The following PIEZO2 variants were observed in gnomAD, a reference collection of about 807,000 sequenced individuals.
PIEZO2 encodes piezo-type mechanosensitive ion channel component 2.
PIEZO2 carries 172 observed loss-of-function variants against 337.3 expected under a neutral mutation model. That is an observed-to-expected ratio of 0.51 (90% CI 0.45 to 0.58). The LOEUF (loss-of-function observed/expected upper bound fraction) is 0.58. Among genes scored for constraint, PIEZO2 ranks in the 20% least tolerant of loss-of-function variants. The pLI, the probability that PIEZO2 is intolerant of heterozygous loss-of-function variation, is 0.00. For missense variants in PIEZO2, 3,028 were observed against 3,391.3 expected (o/e 0.89, Z 2.66); for synonymous variants, 1,251 against 1,228.5 (o/e 1.02, Z -0.38).
intron 2 of PIEZO2, among the ~76,000 whole-genome samples, chr18:11,064,156 C>A (rs2038069878): frequency 6.6e-6 from 1 of 152,134 alleles, no homozygotes; most frequent in Non-Finnish European, 1.5e-5. Context: ...ACACAAGATG[C>A]CTCAAAACAC....
At chr18:10,762,454 T>C in intron 23 of PIEZO2, 46 bp downstream of exon 23, 1 of 1,524,224 alleles carries the variant, frequency 6.6e-7, no homozygotes, top group Non-Finnish European at 8.8e-7. Flanking sequence ...CCTGAACTAT[T>C]ATATAACGGA....
chr18:10,789,341 A>G lies in PIEZO2; in HGVS notation c.1907T>C (p.Val636Ala). The part of the protein sequence containing the change: ...EKDEELQDIQ[V>A]EGEPKEEEEE... ...TTCCTCCTCTTTGGGCTCTCCTTCC[A>G]CTTGTATATCTTGAAGTTCCTCATC... The change falls in exon 15 of 56, where the codon GTG (valine) becomes GCG (alanine). Residue 636 changes from valine to alanine, a missense_variant. Physicochemically the swap from Val to Ala is moderately conservative, Grantham distance 64 (BLOSUM62 0). This residue lies in a region of PIEZO2 where 1,925 missense variants were observed against 2,051.9 expected (regional missense o/e 0.94). Transcript: ENST00000674853. The G allele has an allele frequency of 6.5e-7, 1 of 1,536,164 alleles. No homozygotes were observed. Among genetic ancestry groups the G allele is most frequent in the Non-Finnish European group, 8.7e-7 (1 of 1,146,618 alleles).
At chr18:11,046,329 T>C (rs2145830090) in intron 2 of PIEZO2, among the ~76,000 whole-genome samples, 1 of 152,360 alleles carries the variant, frequency 6.6e-6, no homozygotes, top group African/African-American at 2.4e-5. Flanking sequence ...AGCTCACTCC[T>C]ATGGGACAAG....
In PIEZO2 at chr18:10,726,560, T is replaced by C. The variant is rs1002913981; in HGVS notation, c.5029+4847A>G. 43 of 1,409,642 alleles carry C rather than the reference T, an allele frequency of 3.1e-5. No individual in the cohort carries two copies. Among genetic ancestry groups the C allele is most frequent in the African/African-American group, 1.2e-4 (8 of 69,380 alleles). The allele number at this position is 1,409,642 out of a possible 1,614,324, so 87.3% of individuals were successfully genotyped here. A position where few individuals can be genotyped will look rare whatever the true frequency, so the allele number is the denominator to read the frequency against. ...CTCTGCTACACCAGCCGCCACGCTG[T>C]GCGTCTGTCCTTCCGCCAGCTCTTC... On this transcript the variant is annotated intron_variant, in intron 36 of 55. Coordinates refer to ENST00000674853, the MANE Select transcript of PIEZO2 (RefSeq NM_001378183.1). This position sits in a 1 kb window ranked among gnomAD's most constrained non-coding sequence, Gnocchi z 5.9.
At position 10,691,299 on chromosome 18, in the gene PIEZO2, A is replaced by G. The variant is rs1043612132; in HGVS notation, c.7275T>C (p.Cys2425=). 5.0e-6 allele frequency: 8 copies of G among 1,613,986 alleles called. No individual in the cohort carries two copies. The African/African-American group carries it at 1.1e-4, about 22-fold the overall frequency. The change falls in exon 48 of 56, where the codon TGT becomes TGC. Residue 2425 remains cysteine, a synonymous_variant. Coordinates refer to ENST00000674853, the MANE Select transcript of PIEZO2 (RefSeq NM_001378183.1). ...TCCCCAGGACTCGCGTTGGGTAGCC[A>G]CAACGGATCTGGTAAGCAGACAACC... is the stretch of plus-strand genomic sequence containing the variant. ...YFGLSAYQIR[C]GYPTRVLGNF... is the part of the protein sequence containing the mutation.
At chr18:11,088,553 T>C (rs924701649) in intron 1 of PIEZO2, among the ~76,000 whole-genome samples, 1 of 152,224 alleles carries the variant, frequency 6.6e-6, no homozygotes, top group Non-Finnish European at 1.5e-5. Context: ...ATTATTAATG[T>C]GTTAATTGTT....
chr18:11,056,003 C>G (rs2037721537), intron 2 of PIEZO2, among the ~76,000 whole-genome samples: 1 of 152,162 alleles, frequency 6.6e-6, no homozygotes, highest in South Asian at 2.1e-4. Flanking sequence ...GAGATGGATT[C>G]CTGGGGCAGG....
rs954489167 is a variant in PIEZO2 at position 10,854,791 on chromosome 18, G to A, written c.917+562C>T. ...TGCAGCGGTGTGATCATGGCTCACC[G>A]CAGTCTTGACCTCCCAGGCTCAGGT... On this transcript the variant is annotated intron_variant, in intron 7 of 55. Coordinates refer to ENST00000674853, the MANE Select transcript of PIEZO2 (RefSeq NM_001378183.1). The surrounding 1 kb of genome is among the most constrained non-coding windows in gnomAD (Gnocchi z 4.6). Among the ~76,000 whole-genome samples the A allele has an allele frequency of 9.9e-5, 15 of 152,230 alleles. No individual in the cohort carries two copies. Among genetic ancestry groups the A allele is most frequent in the East Asian group, 5.8e-4 (3 of 5,162 alleles).
At chr18:10,937,477 T>C (rs2145227006) in intron 3 of PIEZO2, among the ~76,000 whole-genome samples, 1 of 152,278 alleles carries the variant, frequency 6.6e-6, no homozygotes, top group East Asian at 1.9e-4. Context: ...GACAGATTAT[T>C]GGGAAGTCTC....
At chr18:11,044,524 T>C (rs933712032) in intron 2 of PIEZO2, among the ~76,000 whole-genome samples, 3 of 152,330 alleles carry the variant, frequency 2.0e-5, no homozygotes, top group South Asian at 2.1e-4. Flanking sequence ...AGCCATTTTA[T>C]AGAGGCTTTC....
chr18:10,972,572 G>C (rs975131300), intron 3 of PIEZO2, among the ~76,000 whole-genome samples: 4 of 152,158 alleles, frequency 2.6e-5, no homozygotes, highest in African/African-American at 9.7e-5. Flanking sequence ...CTTCCATCCA[G>C]TGCCATTTAG....
At chr18:10,705,861 C>G in intron 40 of PIEZO2, 115 bp from the exon 41 acceptor site, 1 of 1,249,736 alleles carries the variant, frequency 8.0e-7, no homozygotes, top group Non-Finnish European at 1.1e-6. Flanking sequence ...CCATTTTCCC[C>G]CCTGCATTCC....
At chr18:10,749,486 AAAT>A (rs918407865) in intron 29 of PIEZO2, among the ~76,000 whole-genome samples, 21 of 129,036 alleles carry the variant, frequency 1.6e-4, no homozygotes, top group African/African-American at 7.5e-4. Context: ...ATAGATAAAT[AAAT>A]AATAATAAAT....
rs901652306 is a variant in PIEZO2 at position 11,048,788 on chromosome 18, A to G, written c.160+17339T>C. ...GGAAGCATTAAATGAATTACTATGT[A>G]GAAAGCTTGGGACAGTTGCCTGGCA... On this transcript the variant is annotated intron_variant, in intron 2 of 55. Transcript: ENST00000674853. The surrounding 1 kb of genome is among the most constrained non-coding windows in gnomAD (Gnocchi z 4.5). 6.6e-6 allele frequency among the ~76,000 whole-genome samples: 1 copy of G among 152,242 alleles called. No homozygotes were observed. Among genetic ancestry groups the G allele is most frequent in the African/African-American group, 2.4e-5 (1 of 41,466 alleles).
At chr18:10,866,337 G>A (rs1189838643) in intron 5 of PIEZO2, among the ~76,000 whole-genome samples, 2 of 150,214 alleles carry the variant, frequency 1.3e-5, no homozygotes, top group Non-Finnish European at 2.9e-5. Context: ...CCAGGATGGA[G>A]TGCAGTGGCG....
chr18:11,061,485 A>G (rs552523495), intron 2 of PIEZO2, among the ~76,000 whole-genome samples: 1 of 151,944 alleles, frequency 6.6e-6, no homozygotes, highest in East Asian at 1.9e-4. Context: ...TGCAGATGAC[A>G]TGATTGTATA....
Position 10,713,186 on chromosome 18 carries a change from A to C in PIEZO2, c.5423+1578T>G, listed in dbSNP as rs906045994. 5.3e-5 allele frequency among the ~76,000 whole-genome samples: 8 copies of C among 152,170 alleles called. No individual in the cohort carries two copies. The highest frequency in any genetic ancestry group is 1.9e-4 in the African/African-American group (8 of 41,444). On this transcript the variant is annotated intron_variant, in intron 39 of 55. Transcript: ENST00000674853. This position sits in a 1 kb window ranked among gnomAD's most constrained non-coding sequence, Gnocchi z 4.5. ...TAAAACTTGGATTTTTACTAAATAT[A>C]TGTATATATTTTACTGTGTATATAT...
intron 7 of PIEZO2, among the ~76,000 whole-genome samples, chr18:10,807,481 A>G (rs919784595): frequency 6.6e-6 from 1 of 152,240 alleles, no homozygotes; most frequent in Non-Finnish European, 1.5e-5. Context: ...CATATAATAT[A>G]TACATTCAGT....
At position 10,670,550 on chromosome 18, in the gene PIEZO2, T is replaced by A. The variant is rs926020663; in HGVS notation, c.*977A>T. 6.6e-6 allele frequency: 1 copy of A among 152,212 alleles called. No homozygotes were observed. The highest frequency in any genetic ancestry group is 1.5e-5 in the Non-Finnish European group (1 of 68,046). The allele number at this position is 152,212 out of a possible 1,614,324, so 9.4% of individuals were successfully genotyped here. A position where few individuals can be genotyped will look rare whatever the true frequency, so the allele number is the denominator to read the frequency against. On this transcript the variant is annotated 3_prime_UTR_variant, in exon 56 of 56. Transcript: ENST00000674853. ...AGATGTAAAAATGTGAATTGGAATATGTAAACTCTTTGATATACCTGAAAA... is the reference window on the plus strand; with the variant it reads ...AGATGTAAAAATGTGAATTGGAATAAGTAAACTCTTTGATATACCTGAAAA...
Sources: allele counts gnomAD v4.1 joint callset (sites outside exome capture counted in the v4.1 genomes callset), GRCh38; gene constraint gnomAD v4.1.1; regional missense constraint gnomAD v4.1.1; non-coding constraint Gnocchi (gnomAD v3.1); transcripts MANE v1.5; gene names NCBI Gene and HGNC (gene_info 2026-07-23, HGNC 2026-07-21).